HPSE2: variants seen among roughly 807,000 people sequenced by gnomAD.
HPSE2 encodes the protein inactive heparanase-2.
A neutral mutation model predicts 60.5 loss-of-function variants in HPSE2; 38 were observed. That is an observed-to-expected ratio of 0.63 (90% CI 0.48 to 0.82). The LOEUF (loss-of-function observed/expected upper bound fraction) is 0.82, where lower values mean the gene tolerates loss of function less well. HPSE2 is among the 40% of genes least tolerant of loss of function. HPSE2 has a pLI of 0.00. For synonymous variants in HPSE2, 295 were observed against 293.2 expected, an observed-to-expected ratio of 1.01 and a Z score of -0.06; for missense variants, 713 against 740.4, an observed-to-expected ratio of 0.96 and a Z score of 0.43.
At chr10:98,833,141 A>G (rs1951720207) in intron 3 of HPSE2, among the ~76,000 whole-genome samples, 1 of 152,224 alleles carries the variant, frequency 6.6e-6, no homozygotes, top group Non-Finnish European at 1.5e-5. Flanking sequence ...ATTCTCAAAT[A>G]GTTAAGAATT....
intron 9 of HPSE2, among the ~76,000 whole-genome samples, chr10:98,545,789 G>A (rs1317233877): frequency 6.6e-6 from 1 of 151,390 alleles, no homozygotes; most frequent in African/African-American, 2.4e-5. Flanking sequence ...CATAGTGTTG[G>A]AAGTTCTGGC....
At chr10:98,747,039 A>C (rs980158620) in intron 3 of HPSE2, among the ~76,000 whole-genome samples, 2 of 152,024 alleles carry the variant, frequency 1.3e-5, no homozygotes, top group African/African-American at 4.8e-5. Context: ...TTTTATCCAG[A>C]AGTTTCCTTG....
At chr10:99,189,494 G>T (rs962747241) in intron 2 of HPSE2, among the ~76,000 whole-genome samples, 2 of 152,112 alleles carry the variant, frequency 1.3e-5, no homozygotes, top group Non-Finnish European at 1.5e-5. Flanking sequence ...TTACTTAAGC[G>T]GTTCTGTCAT....
chr10:98,999,202 T>C (rs1956721426), intron 3 of HPSE2, among the ~76,000 whole-genome samples: 1 of 150,932 alleles, frequency 6.6e-6, no homozygotes, highest in Non-Finnish European at 1.5e-5. Flanking sequence ...TGTGCATGTG[T>C]GTGTAAAGAG....
chr10:98,664,869 G>T (rs893452149), intron 6 of HPSE2, among the ~76,000 whole-genome samples: 1 of 152,098 alleles, frequency 6.6e-6, no homozygotes, highest in African/African-American at 2.4e-5. Context: ...CAAGAATTCT[G>T]GCAATTCAAA....
At chr10:98,794,811 G>T (rs973237476) in intron 3 of HPSE2, among the ~76,000 whole-genome samples, 7 of 152,052 alleles carry the variant, frequency 4.6e-5, no homozygotes, top group African/African-American at 1.7e-4. Context: ...TGTATGCTTT[G>T]CTAGGAGGAG....
At chr10:98,802,565 G>T (rs889236374) in intron 3 of HPSE2, among the ~76,000 whole-genome samples, 10 of 145,756 alleles carry the variant, frequency 6.9e-5, no homozygotes, top group African/African-American at 2.3e-4. Flanking sequence ...GTGAGAATAT[G>T]CGGTGTTTGG....
intron 3 of HPSE2, among the ~76,000 whole-genome samples, chr10:99,095,136 T>C (rs1215639481): frequency 6.6e-6 from 1 of 151,966 alleles, no homozygotes; most frequent in African/African-American, 2.4e-5. Context: ...CAGTGAGCTA[T>C]GATTACACCA....
chr10:98,927,287 T>A (rs1374102000), intron 3 of HPSE2, among the ~76,000 whole-genome samples: 2 of 152,080 alleles, frequency 1.3e-5, no homozygotes, highest in Non-Finnish European at 2.9e-5. Context: ...ATCTGGGTGC[T>A]CCTGTATTGG....
intron 2 of HPSE2, among the ~76,000 whole-genome samples, chr10:99,180,951 A>G (rs1847742896): frequency 6.6e-6 from 1 of 151,174 alleles, no homozygotes; most frequent in Admixed American, 6.6e-5. Flanking sequence ...GAGAAATAGG[A>G]ACACTTTTAC....
At chr10:99,065,133 T>C (rs1842573493) in intron 3 of HPSE2, among the ~76,000 whole-genome samples, 1 of 152,234 alleles carries the variant, frequency 6.6e-6, no homozygotes, top group African/African-American at 2.4e-5. Flanking sequence ...TATTTCTCTC[T>C]GGTACAAGAC....
At chr10:98,572,149 C>T (rs1944515806) in intron 9 of HPSE2, among the ~76,000 whole-genome samples, 1 of 152,038 alleles carries the variant, frequency 6.6e-6, no homozygotes, top group Non-Finnish European at 1.5e-5. Context: ...CTATGTTGGC[C>T]AGGCTGGTCT....
chr10:99,186,542 C>CAAAAAAAAAAA (rs60186369), intron 2 of HPSE2, among the ~76,000 whole-genome samples: 15 of 59,482 alleles, frequency 2.5e-4, no homozygotes, highest in East Asian at 6.3e-4. Flanking sequence ...GACTCCATCT[C>CAAAAAAAAAAA]AAAAAAAAAA....
chr10:99,248,605 CA>C, the HPSE2 span, among the ~76,000 whole-genome samples: 1 of 152,316 alleles, frequency 6.6e-6, no homozygotes, highest in Non-Finnish European at 1.5e-5. Context: ...AAACCATTTT[CA>C]GGGGAAGAAT....
At chr10:99,104,515 C>G (rs555312224) in intron 3 of HPSE2, among the ~76,000 whole-genome samples, 28 of 152,218 alleles carry the variant, frequency 1.8e-4, no homozygotes, top group African/African-American at 6.5e-4. Context: ...AATTCCTCAA[C>G]AATCTAGAAC....
Position 98,466,486 on chromosome 10 carries a change from C to G in HPSE2, c.1614-6747G>C, listed in dbSNP as rs1008436998. Among the ~76,000 whole-genome samples, 14 of 151,956 alleles carry G rather than the reference C, an allele frequency of 9.2e-5. 1 individual carries two copies. The highest frequency in any genetic ancestry group is 8.3e-4 in the South Asian group (4 of 4,818). On this transcript the variant is annotated intron_variant, in intron 11 of 11. Transcript: ENST00000370552. Reference sequence around the variant, plus strand: ...AATTAACGGGCGTGGTGGTAGGTGCCTGTAATCCCAGCTACTCAGGAGGCT... The same window carrying G: ...AATTAACGGGCGTGGTGGTAGGTGCGTGTAATCCCAGCTACTCAGGAGGCT...
chr10:98,883,153 C>G (rs1953072772), intron 3 of HPSE2, among the ~76,000 whole-genome samples: 2 of 151,946 alleles, frequency 1.3e-5, no homozygotes, highest in South Asian at 4.2e-4. Flanking sequence ...AAATGTGGTA[C>G]CCTTGGTAGA....
At chr10:99,226,459 T>C (rs1165191931) in intron 2 of HPSE2, among the ~76,000 whole-genome samples, 3 of 152,030 alleles carry the variant, frequency 2.0e-5, no homozygotes, top group African/African-American at 7.2e-5. Context: ...CAGTTTGGGT[T>C]TGACTAATGT....
At position 98,684,674 on chromosome 10, in the gene HPSE2, G is replaced by A. The variant is rs148165864; in HGVS notation, c.1004+9226C>T. Among the ~76,000 whole-genome samples, 224 of 152,234 alleles carry A rather than the reference G, an allele frequency of 1.5e-3. 4 individuals carry two copies. Among genetic ancestry groups the A allele is most frequent in the African/African-American group, 5.2e-3 (215 of 41,544 alleles). ...TCATCTTCCATAGGAGCATCAGACT[G>A]TTACTTAGAAACATGAAAGCAGATG... On this transcript the variant is annotated intron_variant, in intron 6 of 11. Transcript: ENST00000370552.
Sources: gnomAD v4.1 joint callset for allele counts (sites outside exome capture counted in the v4.1 genomes callset) on GRCh38, gnomAD v4.1.1 for gene constraint, MANE v1.5 for transcripts, NCBI Gene and HGNC (gene_info 2026-07-23, HGNC 2026-07-21) for gene names.